The following ATP2A2 variants were observed in gnomAD, a reference collection of about 807,000 sequenced individuals.
The protein encoded by ATP2A2 is ATPase sarcoplasmic/endoplasmic reticulum Ca2+ transporting 2.
A neutral mutation model predicts 109.3 loss-of-function variants in ATP2A2; 14 were observed. That is an observed-to-expected ratio of 0.13 (90% confidence interval 0.08 to 0.20). The LOEUF is 0.20. ATP2A2 is among the 10% of genes least tolerant of loss of function. The pLI is 1.00. For missense variants in ATP2A2, 657 were observed against 1,321.6 expected (o/e 0.50, Z 7.80); for synonymous variants, 506 against 490.9 (o/e 1.03, Z -0.41).
intron 5 of ATP2A2, among the ~76,000 whole-genome samples, chr12:110,310,555 G>T (rs1322595402): frequency 6.6e-6 from 1 of 152,166 alleles, no homozygotes; most frequent in African/African-American, 2.4e-5. Flanking sequence ...CAGGGTTGAT[G>T]AATAGCACCA....
chr12:110,305,934 A>C (rs1367539661), intron 5 of ATP2A2, among the ~76,000 whole-genome samples: 1 of 150,606 alleles, frequency 6.6e-6, no homozygotes, highest in Non-Finnish European at 1.5e-5. Context: ...GTCAGTGTTC[A>C]AGTCTTGTGC....
At chr12:110,334,967 G>A (rs971487142) in intron 11 of ATP2A2, among the ~76,000 whole-genome samples, 1 of 152,146 alleles carries the variant, frequency 6.6e-6, no homozygotes, top group African/African-American at 2.4e-5. Context: ...GGTGGCAGTG[G>A]CAGTGGCAGT....
At chr12:110,329,136 C>T (rs1164889547) in intron 8 of ATP2A2, among the ~76,000 whole-genome samples, 1 of 152,184 alleles carries the variant, frequency 6.6e-6, no homozygotes, top group East Asian at 1.9e-4. Flanking sequence ...CTTGTTCATC[C>T]TCCAGTATAC....
chr12:110,312,946 A>G (rs1179786328), intron 5 of ATP2A2, among the ~76,000 whole-genome samples: 1 of 152,186 alleles, frequency 6.6e-6, no homozygotes, highest in Admixed American at 6.5e-5. Flanking sequence ...AAGCCAAGGT[A>G]TAAATTATTA....
intron 7 of ATP2A2, 92 bp downstream of exon 7, chr12:110,326,567 C>T (rs1158849048): frequency 1.7e-6 from 2 of 1,167,110 alleles, no homozygotes; most frequent in African/African-American, 3.0e-5. Context: ...CACTGGCTAT[C>T]ATTCTAAAGG....
chr12:110,343,576 GATGAACT>G, intron 16 of ATP2A2, 142 bp downstream of exon 16: 2 of 960,368 alleles, frequency 2.1e-6, no homozygotes, highest in Non-Finnish European at 3.2e-6. Flanking sequence ...CTTACAGTTC[GATGAACT>G]ATACATCCAA....
In ATP2A2 at chr12:110,344,913, C is replaced by T. The variant is rs780418333; in HGVS notation, c.2549C>T (p.Ala850Val). ...TACGTCGGCGCTGCTACCGTGGGTG[C>T]TGCTGCATGGTGGTTCATTGCTGCT... The part of the protein sequence containing the change: ...GCYVGAATVG[A>V]AAWWFIAADG... The change falls in exon 17 of 20, where the codon GCT becomes GTT. Residue 850 changes from alanine to valine, a missense_variant. Ala to Val is a moderately conservative substitution (Grantham distance 64). Coordinates refer to ENST00000539276, the MANE Select transcript of ATP2A2 (RefSeq NM_170665.4). The T allele has an allele frequency of 6.2e-7, 1 of 1,614,222 alleles. No individual in the cohort carries two copies. The highest frequency in any genetic ancestry group is 1.1e-5 in the South Asian group (1 of 91,082).
chr12:110,282,878 T>C lies in ATP2A2; in HGVS notation c.219+83T>C, dbSNP rs369917328. On this transcript the variant is annotated intron_variant, in intron 3 of 19. Coordinates refer to ENST00000539276, the MANE Select transcript of ATP2A2 (RefSeq NM_170665.4). ...AAATCAGAAAACAAATGATGTCCAT[T>C]GGGTGAAAACATATTTGGAGTTGCA... 5.2e-5 allele frequency: 61 copies of C among 1,182,466 alleles called. 1 individual carries two copies. In the African/African-American group the frequency reaches 8.2e-4, roughly 16 times the overall value. 73.2% of individuals were successfully genotyped at this position (1,182,466 alleles called of 1,614,324 possible).
rs1566247906 is a variant in ATP2A2, at chr12:110,350,459, T to TG, written c.*3990dup. On this transcript the variant is annotated 3_prime_UTR_variant, in exon 20 of 20. Coordinates refer to ENST00000539276, the MANE Select transcript of ATP2A2 (RefSeq NM_170665.4). ...CTCACTTTGTGTTATGTGGAGGAAA[T>TG]GTGTATTACCAATGGGGTTGTTAGC... The TG allele has an allele frequency of 8.4e-7, 1 of 1,192,280 alleles. No individual in the cohort carries two copies. Among genetic ancestry groups the TG allele is most frequent in the Non-Finnish European group, 1.2e-6 (1 of 816,368 alleles). 73.9% of individuals were successfully genotyped at this position (1,192,280 alleles called of 1,614,324 possible).
chr12:110,313,559 T>A (rs959651436), intron 5 of ATP2A2, among the ~76,000 whole-genome samples: 1 of 150,592 alleles, frequency 6.6e-6, no homozygotes, highest in African/African-American at 2.4e-5. Context: ...AAGTGCTTCA[T>A]CTGCCTTGGC....
intron 3 of ATP2A2, among the ~76,000 whole-genome samples, chr12:110,285,912 G>C (rs1483390009): frequency 7.2e-6 from 1 of 139,756 alleles, no homozygotes; most frequent in African/African-American, 2.6e-5. Flanking sequence ...CCTTGAGTTA[G>C]TGCTTTTTTT....
At chr12:110,305,869 CTGT>C (rs987925620) in intron 5 of ATP2A2, among the ~76,000 whole-genome samples, 1 of 142,596 alleles carries the variant, frequency 7.0e-6, no homozygotes, top group African/African-American at 2.6e-5. Context: ...ATAGGGATGT[CTGT>C]TTTTTTTTTG....
At chr12:110,293,856 G>A (rs1221478915) in intron 4 of ATP2A2, among the ~76,000 whole-genome samples, 177 of 123,732 alleles carry the variant, frequency 1.4e-3, no homozygotes, top group Non-Finnish European at 2.3e-3. Flanking sequence ...GTGTGTGTGT[G>A]TGTGTGTGTA....
intron 18 of ATP2A2, 166 bp downstream of exon 18, chr12:110,345,548 C>T (rs974959087): frequency 9.2e-7 from 1 of 1,086,268 alleles, no homozygotes; most frequent in African/African-American, 1.6e-5. Context: ...TCGTCACCTC[C>T]AGGAAGTAGT....
intron 11 of ATP2A2, among the ~76,000 whole-genome samples, chr12:110,337,884 T>C (rs1427817988): frequency 6.6e-6 from 1 of 152,256 alleles, no homozygotes; most frequent in African/African-American, 2.4e-5. Flanking sequence ...TGCAGTATTA[T>C]ACTGGCATTC....
rs149001233 is a variant in ATP2A2 at position 110,348,660 on chromosome 12, C to A, written c.*2190C>A. On this transcript the variant is annotated 3_prime_UTR_variant, in exon 20 of 20. Transcript: ENST00000539276. ...CCACAGCAGAAGGATTGCTTGAGCCCAGGTACTCAAACCAGCCTGGGCAAC... is the reference window on the plus strand; with the variant it reads ...CCACAGCAGAAGGATTGCTTGAGCCAAGGTACTCAAACCAGCCTGGGCAAC... 3.3e-4 allele frequency: 325 copies of A among 985,306 alleles called. 1 individual carries two copies. The African/African-American group carries it at 5.2e-3, about 16-fold the overall frequency. The allele number at this position is 985,306 out of a possible 1,614,324, so 61.0% of individuals were successfully genotyped here. A position where few individuals can be genotyped will look rare whatever the true frequency, so the allele number is the denominator to read the frequency against.
chr12:110,328,249 T>C (rs1877995679), intron 8 of ATP2A2, among the ~76,000 whole-genome samples: 1 of 151,650 alleles, frequency 6.6e-6, no homozygotes, highest in African/African-American at 2.4e-5. Context: ...TGTAAGAGAA[T>C]TAGAGAAATT....
At chr12:110,311,466 G>A (rs1289885436) in intron 5 of ATP2A2, among the ~76,000 whole-genome samples, 1 of 151,888 alleles carries the variant, frequency 6.6e-6, no homozygotes, top group South Asian at 2.1e-4. Flanking sequence ...GCAGGCACCC[G>A]TAACCCGTAA....
chr12:110,324,684 TGCTGG>T, intron 6 of ATP2A2, among the ~76,000 whole-genome samples: 1 of 152,142 alleles, frequency 6.6e-6, no homozygotes, highest in Non-Finnish European at 1.5e-5. Context: ...CCTCCCAAAG[TGCTGG>T]GATTACAGGC....
Sources: allele counts gnomAD v4.1 joint callset (sites outside exome capture counted in the v4.1 genomes callset), GRCh38; gene constraint gnomAD v4.1.1; transcripts MANE v1.5; gene names NCBI Gene and HGNC (gene_info 2026-07-23, HGNC 2026-07-21).